The following TUNAR variants were observed in gnomAD, a reference collection of about 807,000 sequenced individuals.
TUNAR encodes the protein transmembrane neural differentiation associated intracellular calcium regulator.
At chr14:95,894,109 G>A (rs1449933832) in intron 2 of TUNAR, among the ~76,000 whole-genome samples, 2 of 152,252 alleles carry the variant, frequency 1.3e-5, no homozygotes, top group Non-Finnish European at 1.5e-5. Context: ...ATTGCTGATT[G>A]GATCATCCAA....
intron 2 of TUNAR, among the ~76,000 whole-genome samples, chr14:95,909,343 G>T (rs1379082922): frequency 6.8e-6 from 1 of 147,984 alleles, no homozygotes; most frequent in Admixed American, 6.7e-5. Context: ...GGCTGCAGTG[G>T]CACGATCTCG....
intron 2 of TUNAR, among the ~76,000 whole-genome samples, chr14:95,920,071 G>A (rs1209352541): frequency 2.0e-5 from 3 of 152,186 alleles, no homozygotes; most frequent in Non-Finnish European, 4.4e-5. Flanking sequence ...GTGGAATACT[G>A]TTCACATATA....
chr14:95,899,899 A>G (rs1189613273), intron 2 of TUNAR, among the ~76,000 whole-genome samples: 2 of 152,216 alleles, frequency 1.3e-5, no homozygotes, highest in African/African-American at 4.8e-5. Flanking sequence ...AAAATGTGGA[A>G]GAAACCATTA....
intron 2 of TUNAR, among the ~76,000 whole-genome samples, chr14:95,918,561 T>G (rs1889642337): frequency 6.6e-6 from 1 of 152,214 alleles, no homozygotes; most frequent in African/African-American, 2.4e-5. Context: ...GTTGATGACT[T>G]AAGCAACTTG....
chr14:95,892,660 G>A (rs1889201117), intron 2 of TUNAR, among the ~76,000 whole-genome samples: 1 of 152,238 alleles, frequency 6.6e-6, no homozygotes, highest in Non-Finnish European at 1.5e-5. Context: ...CCCTCCAGCA[G>A]TTTCAGGCTC....
chr14:95,896,079 A>T (rs1404940313), intron 2 of TUNAR: 2 of 152,144 alleles, frequency 1.3e-5, no homozygotes, highest in Non-Finnish European at 2.9e-5. Context: ...AAGCTCAGCA[A>T]GGTTAAAAAA....
chr14:95,892,732 C>T (rs1357443117), intron 2 of TUNAR, among the ~76,000 whole-genome samples: 1 of 152,224 alleles, frequency 6.6e-6, no homozygotes, highest in Non-Finnish European at 1.5e-5. Flanking sequence ...TGAGGCTCCC[C>T]TGGGCAAGTC....
chr14:95,917,153 C>T (rs1889618027), intron 2 of TUNAR, among the ~76,000 whole-genome samples: 1 of 152,214 alleles, frequency 6.6e-6, no homozygotes, highest in African/African-American at 2.4e-5. Context: ...CAAGGTCATA[C>T]AGATATTCCT....
intron 2 of TUNAR, among the ~76,000 whole-genome samples, chr14:95,890,314 C>T (rs1252755129): frequency 6.6e-6 from 1 of 152,192 alleles, no homozygotes; most frequent in African/African-American, 2.4e-5. Flanking sequence ...CCTTCCTCTC[C>T]AACTTCAGGT....
At chr14:95,885,169 C>G (rs954720487) in intron 2 of TUNAR, among the ~76,000 whole-genome samples, 1 of 152,232 alleles carries the variant, frequency 6.6e-6, no homozygotes, top group Non-Finnish European at 1.5e-5. Flanking sequence ...AGGAAAACTT[C>G]AGATGCTTTT....
intron 2 of TUNAR, among the ~76,000 whole-genome samples, chr14:95,889,925 C>T (rs2139656026): frequency 6.6e-6 from 1 of 150,498 alleles, no homozygotes; most frequent in South Asian, 2.1e-4. Context: ...CCTACCTAGT[C>T]TCCTTCCTCA....
intron 2 of TUNAR, among the ~76,000 whole-genome samples, chr14:95,882,266 CAT>C (rs34506731): frequency 0.2 from 30,990 of 152,012 alleles, 3,369 homozygotes; most frequent in Middle Eastern, 0.26. Context: ...AGATTTCTAA[CAT>C]GTGTAGTTAC....
At chr14:95,914,801 CAG>C (rs1413776776) in intron 2 of TUNAR, among the ~76,000 whole-genome samples, 8 of 152,144 alleles carry the variant, frequency 5.3e-5, no homozygotes, top group Admixed American at 2.6e-4. Flanking sequence ...AACTGAAGCT[CAG>C]AGAGATGAAG....
intron 2 of TUNAR, among the ~76,000 whole-genome samples, chr14:95,891,276 A>T (rs1889176780): frequency 1.3e-5 from 2 of 152,038 alleles, no homozygotes; most frequent in Non-Finnish European, 1.5e-5. Context: ...GGAACCTTTC[A>T]CTCACCCACC....
At chr14:95,917,842 C>T (rs1233834651) in intron 2 of TUNAR, among the ~76,000 whole-genome samples, 1 of 152,142 alleles carries the variant, frequency 6.6e-6, no homozygotes, top group African/African-American at 2.4e-5. Context: ...TTGAAGTGTA[C>T]AGTTTCATGG....
At chr14:95,904,807 C>T (rs926562823) in intron 2 of TUNAR, among the ~76,000 whole-genome samples, 2 of 152,204 alleles carry the variant, frequency 1.3e-5, no homozygotes, top group African/African-American at 2.4e-5. Context: ...CTGGGTACCC[C>T]GCAGTGCCTG....
intron 2 of TUNAR, among the ~76,000 whole-genome samples, chr14:95,890,052 AG>A (rs1196686040): frequency 6.6e-6 from 1 of 152,044 alleles, no homozygotes; most frequent in African/African-American, 2.4e-5. Context: ...CCAGGCTGGA[AG>A]GCAGTGGCTA....
At chr14:95,877,075 T>C (rs924163188) in exon 2 of TUNAR, 19 of 152,340 alleles carry the variant, frequency 1.2e-4, no homozygotes, top group African/African-American at 4.6e-4. Flanking sequence ...CTTTTTTTCC[T>C]TCTCCTCGCC....
chr14:95,889,591 G>T (rs1265340083), intron 2 of TUNAR, among the ~76,000 whole-genome samples: 1 of 152,164 alleles, frequency 6.6e-6, no homozygotes, highest in Non-Finnish European at 1.5e-5. Context: ...CCGTGACTGG[G>T]AGCTGACTGC....
Sources: gnomAD v4.1 joint callset for allele counts (sites outside exome capture counted in the v4.1 genomes callset) on GRCh38, gnomAD v4.1.1 for gene constraint, MANE v1.5 for transcripts, NCBI Gene and HGNC (gene_info 2026-07-23, HGNC 2026-07-21) for gene names.